C17orf107: variants seen among roughly 807,000 people sequenced by gnomAD.
The protein encoded by C17orf107 is chromosome 17 open reading frame 107, also known as uncharacterized protein C17orf107.
Under a neutral mutation model 8.9 loss-of-function variants are expected in C17orf107, and 9 were observed. The ratio of observed to expected loss-of-function variants is 1.02; its 90% confidence interval spans 0.61 to 1.77. The LOEUF (loss-of-function observed/expected upper bound fraction) is 1.77. Ranked by LOEUF, C17orf107 falls within the 40% of genes most tolerant of loss-of-function variation. C17orf107 has a pLI of 0.00. For synonymous variants in C17orf107, 139 were observed against 120.3 expected, an observed-to-expected ratio of 1.16 and a Z score of -1.02; for missense variants, 281 against 249.0, an observed-to-expected ratio of 1.13 and a Z score of -0.86.
Position 4,901,165 on chromosome 17 carries a change from G to C in C17orf107, c.*632G>C. The C allele has an allele frequency of 1.2e-6, 2 of 1,608,108 alleles. No homozygotes were observed. The highest frequency in any genetic ancestry group is 3.3e-5 in the Admixed American group (2 of 60,008). On this transcript the variant is annotated 3_prime_UTR_variant, in exon 3 of 3. Coordinates refer to ENST00000381365, the MANE Select transcript of C17orf107 (RefSeq NM_001145536.2). ...GGTGGCGGCGGATCACCCCCGGGCA[G>C]AAGTCGATGGCCCACTCGCCGTTCT...
In C17orf107 at chr17:4,899,838, C is replaced by G. The variant is rs1487464258; in HGVS notation, c.66+10C>G. The G allele has an allele frequency of 6.4e-7, 1 of 1,550,872 alleles. No individual in the cohort carries two copies. The highest frequency in any genetic ancestry group is 1.4e-5 in the African/African-American group (1 of 73,046). On this transcript the variant is annotated intron_variant, in intron 1 of 2. Coordinates refer to ENST00000381365, the MANE Select transcript of C17orf107 (RefSeq NM_001145536.2). ...CCACAGCTCCACCGAGGTGAGGCTA[C>G]GCCCGCCAAGGGCTGCACCTCGAGA...
In C17orf107 at chr17:4,902,642, G is replaced by A. The variant is rs1162054192; in HGVS notation, c.*2109G>A. ...TTACCAGTGAGATGAGATTCGTCAG[G>A]GTGACCTTGAGGCTGATGGTGACAG... On this transcript the variant is annotated 3_prime_UTR_variant, in exon 3 of 3. Coordinates refer to ENST00000381365, the MANE Select transcript of C17orf107 (RefSeq NM_001145536.2). This position sits in a 1 kb window ranked among gnomAD's most constrained non-coding sequence, Gnocchi z 4.0. 2 of 1,614,014 alleles carry A rather than the reference G, an allele frequency of 1.2e-6. No individual in the cohort carries two copies. The highest frequency in any genetic ancestry group is 1.3e-5 in the African/African-American group (1 of 74,980).
downstream of C17orf107, among the ~76,000 whole-genome samples, chr17:4,905,471 G>A (rs752925222): frequency 6.6e-6 from 1 of 151,918 alleles, no homozygotes; most frequent in African/African-American, 2.4e-5. Flanking sequence ...AGGCTGAGGC[G>A]GGAGGATTGC....
Position 4,899,801 on chromosome 17 carries a change from G to A in C17orf107, c.39G>A (p.Trp13Ter). The change falls in exon 1 of 3, where the codon TGG becomes TGA. Residue 13 changes from tryptophan (W) to a stop codon, truncating the protein, a stop_gained. Coordinates refer to ENST00000381365, the MANE Select transcript of C17orf107 (RefSeq NM_001145536.2). LOFTEE classifies it high-confidence loss of function. ...GTPSSLDTLM[W>*]IYHFHSSTEV... is the part of the protein sequence containing the mutation. ...CCAGCTCCCTGGACACCCTGATGTG[G>A]ATCTACCACTTCCACAGCTCCACCG... 1 of 1,551,258 alleles carries A rather than the reference G, an allele frequency of 6.4e-7. No individual in the cohort carries two copies. The highest frequency in any genetic ancestry group is 8.7e-7 in the Non-Finnish European group (1 of 1,146,966).
At position 4,899,676 on chromosome 17, in the gene C17orf107, G is replaced by C; in HGVS notation, c.-87G>C. ...TCACAAACACGGCTTCTCCTGGTACGGGCTGGTTACGCCCTCCAGCTGCGC... is the reference window on the plus strand; with the variant it reads ...TCACAAACACGGCTTCTCCTGGTACCGGCTGGTTACGCCCTCCAGCTGCGC... On this transcript the variant is annotated 5_prime_UTR_variant, in exon 1 of 3. Coordinates refer to ENST00000381365, the MANE Select transcript of C17orf107 (RefSeq NM_001145536.2). The C allele has an allele frequency of 2.8e-6, 4 of 1,441,658 alleles. No homozygotes were observed. Among genetic ancestry groups the C allele is most frequent in the Non-Finnish European group, 3.8e-6 (4 of 1,047,958 alleles). The allele number at this position is 1,441,658 out of a possible 1,614,324, so 89.3% of individuals were successfully genotyped here.
chr17:4,899,758 CG>C lies in C17orf107; in HGVS notation c.-3del. On this transcript the variant is annotated 5_prime_UTR_variant, in exon 1 of 3. Transcript: ENST00000381365. ...CCTTCTCCTGTCCTACCACTTGTGGCGGCCATGAAGGGGACCCCCAGCTCCC... is the reference window on the plus strand; with the variant it reads ...CCTTCTCCTGTCCTACCACTTGTGGCGCCATGAAGGGGACCCCCAGCTCCC... 1.4e-5 allele frequency: 22 copies of C among 1,550,912 alleles called. No individual in the cohort carries two copies. Among genetic ancestry groups the C allele is most frequent in the Non-Finnish European group, 1.9e-5 (22 of 1,146,578 alleles).
At position 4,901,591 on chromosome 17, in the gene C17orf107, T is replaced by C. The variant is rs748624980; in HGVS notation, c.*1058T>C. ...TTGCCGTCGTTGTCTACGGCAAAAGTGAACTCCACCTCTTCGGCATTGTAC... is the reference window on the plus strand; with the variant it reads ...TTGCCGTCGTTGTCTACGGCAAAAGCGAACTCCACCTCTTCGGCATTGTAC... On this transcript the variant is annotated 3_prime_UTR_variant, in exon 3 of 3. Transcript: ENST00000381365. The C allele has an allele frequency of 1.9e-6, 3 of 1,614,126 alleles. No individual in the cohort carries two copies. Among genetic ancestry groups the C allele is most frequent in the Admixed American group, 1.7e-5 (1 of 60,022 alleles).
rs911507888 is a variant in C17orf107 at position 4,899,947 on chromosome 17, G to T, written c.78G>T (p.Gln26His). 2 of 1,550,804 alleles carry T rather than the reference G, an allele frequency of 1.3e-6. No homozygotes were observed. Among genetic ancestry groups the T allele is most frequent in the East Asian group, 4.9e-5 (2 of 40,908 alleles). Residue 26 changes from glutamine (Q) to histidine (H), a missense_variant, in exon 2 of 3, where the codon CAG (glutamine) becomes CAT (histidine). Physicochemically the swap from Gln to His is conservative, Grantham distance 24. Transcript: ENST00000381365. ...TGCTCCTTCTCCAGGTGGCCCTCCA[G>T]CCCCCGCTTCTGTCTTCCCTGGAAC... is the stretch of plus-strand genomic sequence containing the variant. ...HFHSSTEVALQPPLLSSLELS... is the reference protein window; with the variant it reads ...HFHSSTEVALHPPLLSSLELS...
chr17:4,906,465 C>G (rs543605257), downstream of C17orf107, among the ~76,000 whole-genome samples: 13 of 152,206 alleles, frequency 8.5e-5, no homozygotes, highest in African/African-American at 3.1e-4. Flanking sequence ...AACTTGAAAT[C>G]TTGCTTCAAA....
Position 4,902,075 on chromosome 17 carries a change from C to T in C17orf107, c.*1542C>T, listed in dbSNP as rs747638974. On this transcript the variant is annotated 3_prime_UTR_variant, in exon 3 of 3. Transcript: ENST00000381365. The surrounding 1 kb of genome is among the most constrained non-coding windows in gnomAD (Gnocchi z 4.0). ...CGTTGGCGTCGTAGGCCACTCCGAA[C>T]TGGCCATCAATACTGTGGGCTCGGG... 8 of 1,614,074 alleles carry T rather than the reference C, an allele frequency of 5.0e-6. No homozygotes were observed. In the South Asian group the frequency reaches 8.8e-5, roughly 18 times the overall value.
chr17:4,904,663 A>AAGTCTC (rs1970068268), downstream of C17orf107, among the ~76,000 whole-genome samples: 1 of 152,186 alleles, frequency 6.6e-6, no homozygotes, highest in Non-Finnish European at 1.5e-5. Context: ...GATTGGCAAT[A>AAGTCTC]ATGCATGAGA....
downstream of C17orf107, chr17:4,903,034 G>A (rs1567640491): frequency 1.2e-6 from 2 of 1,613,918 alleles, no homozygotes; most frequent in Admixed American, 3.3e-5. Flanking sequence ...GCCCCAAGAG[G>A]AGCAGGACCC....
Position 4,901,455 on chromosome 17 carries a change from G to T in C17orf107, c.*922G>T. ...CTCCAGTGTCGTTGGTCCGGGGCAAGCCCACCGTGGAAGTCCCCTCTCTGG... is the reference window on the plus strand; with the variant it reads ...CTCCAGTGTCGTTGGTCCGGGGCAATCCCACCGTGGAAGTCCCCTCTCTGG... On this transcript the variant is annotated 3_prime_UTR_variant, in exon 3 of 3. Transcript: ENST00000381365. 1 of 1,440,200 alleles carries T rather than the reference G, an allele frequency of 6.9e-7. No individual in the cohort carries two copies. The highest frequency in any genetic ancestry group is 9.8e-7 in the Non-Finnish European group (1 of 1,022,424). 89.2% of individuals were successfully genotyped at this position (1,440,200 alleles called of 1,614,324 possible).
In C17orf107 at chr17:4,899,715, ACAGACGCGTCCCC is replaced by A; in HGVS notation, c.-44_-32del. On this transcript the variant is annotated 5_prime_UTR_variant, in exon 1 of 3. Coordinates refer to ENST00000381365, the MANE Select transcript of C17orf107 (RefSeq NM_001145536.2). Reference sequence around the variant, plus strand: ...CTCCAGCTGCGCCCCCTACACGACGACAGACGCGTCCCCCAGCCCTTCTCCTGTCCTACCACTT... The same window carrying A: ...CTCCAGCTGCGCCCCCTACACGACGACAGCCCTTCTCCTGTCCTACCACTT... 6.6e-7 allele frequency: 1 copy of A among 1,523,498 alleles called. No individual in the cohort carries two copies. Among genetic ancestry groups the A allele is most frequent in the Non-Finnish European group, 8.9e-7 (1 of 1,122,044 alleles). 94.4% of individuals were successfully genotyped at this position (1,523,498 alleles called of 1,614,324 possible).
chr17:4,902,876 T>C lies in C17orf107; in HGVS notation c.*2343T>C, dbSNP rs1970035593. 2.7e-5 allele frequency: 42 copies of C among 1,582,764 alleles called. 3 individuals carry two copies. In the South Asian group the frequency reaches 3.8e-4, roughly 14 times the overall value. On this transcript the variant is annotated 3_prime_UTR_variant, in exon 3 of 3. Coordinates refer to ENST00000381365, the MANE Select transcript of C17orf107 (RefSeq NM_001145536.2). This position sits in a 1 kb window ranked among gnomAD's most constrained non-coding sequence, Gnocchi z 4.0. ...CCTCTGAGGCTGTGTACTATCAGTA[T>C]CTGTCTCCTAAACCAATTATGCTGT... is the stretch of plus-strand genomic sequence containing the variant.
rs776203354 is a variant in C17orf107, at chr17:4,901,193, G to A, written c.*660G>A. On this transcript the variant is annotated 3_prime_UTR_variant, in exon 3 of 3. Coordinates refer to ENST00000381365, the MANE Select transcript of C17orf107 (RefSeq NM_001145536.2). ...GTCGATGGCCCACTCGCCGTTCTCT[G>A]CGGGACGGGGGCACGGTCAGCTGGC... 43 of 1,601,508 alleles carry A rather than the reference G, an allele frequency of 2.7e-5. No homozygotes were observed. In the Middle Eastern group the frequency reaches 4.9e-4, roughly 18 times the overall value.
At position 4,902,109 on chromosome 17, in the gene C17orf107, G is replaced by C; in HGVS notation, c.*1576G>C. The stretch of plus-strand genomic sequence containing the variant: ...AATACTGTGGGCTCGGGGAAACCGA[G>C]CTTTTTGCACAGGTCTGCACCCTCT... On this transcript the variant is annotated 3_prime_UTR_variant, in exon 3 of 3. Coordinates refer to ENST00000381365, the MANE Select transcript of C17orf107 (RefSeq NM_001145536.2). The surrounding 1 kb of genome is among the most constrained non-coding windows in gnomAD (Gnocchi z 4.0). 6.2e-7 allele frequency: 1 copy of C among 1,613,966 alleles called. No homozygotes were observed. The highest frequency in any genetic ancestry group is 8.5e-7 in the Non-Finnish European group (1 of 1,179,996).
chr17:4,901,583 G>A lies in C17orf107; in HGVS notation c.*1050G>A. The stretch of plus-strand genomic sequence containing the variant: ...TGATGGTCTTGCCGTCGTTGTCTAC[G>A]GCAAAAGTGAACTCCACCTCTTCGG... On this transcript the variant is annotated 3_prime_UTR_variant, in exon 3 of 3. Coordinates refer to ENST00000381365, the MANE Select transcript of C17orf107 (RefSeq NM_001145536.2). 1 of 1,614,136 alleles carries A rather than the reference G, an allele frequency of 6.2e-7. No individual in the cohort carries two copies. Among genetic ancestry groups the A allele is most frequent in the Non-Finnish European group, 8.5e-7 (1 of 1,180,006 alleles).
chr17:4,905,867 C>CA (rs1002660849), downstream of C17orf107, among the ~76,000 whole-genome samples: 2 of 151,940 alleles, frequency 1.3e-5, no homozygotes, highest in African/African-American at 2.4e-5. Flanking sequence ...TCTCAAAAAA[C>CA]AAAAAAATGA....
Sources: gnomAD v4.1 joint callset for allele counts (sites outside exome capture counted in the v4.1 genomes callset) on GRCh38, gnomAD v4.1.1 for gene constraint, Gnocchi (gnomAD v3.1) non-coding constraint, MANE v1.5 for transcripts, NCBI Gene and HGNC (gene_info 2026-07-23, HGNC 2026-07-21) for gene names.